Variants in CFAP54 observed in about 807,000 individuals in gnomAD.
CFAP54 encodes cilia and flagella associated protein 54.
A neutral mutation model predicts 370.4 loss-of-function variants in CFAP54; 290 were observed. The ratio of observed to expected loss-of-function variants is 0.78; its 90% CI spans 0.71 to 0.86. The LOEUF (loss-of-function observed/expected upper bound fraction) is 0.86. Ranked by LOEUF, CFAP54 falls within the 40% of genes least tolerant of loss-of-function variation. CFAP54 has a pLI of 0.00. For synonymous variants in CFAP54, 1,206 were observed against 1,236.5 expected (o/e 0.98, Z 0.52); for missense variants, 3,399 against 3,528.7 (o/e 0.96, Z 0.93).
chr12:96,626,789 A>G (rs1249159202), intron 29 of CFAP54, 24 bp from the exon 30 acceptor site: 7 of 1,273,158 alleles, frequency 5.5e-6, no homozygotes, highest in Non-Finnish European at 7.2e-6. Context: ...TGTTAACTAT[A>G]TATGAACTTC....
chr12:96,637,989 A>G (rs1340776930), intron 32 of CFAP54, among the ~76,000 whole-genome samples: 4 of 152,122 alleles, frequency 2.6e-5, no homozygotes, highest in Non-Finnish European at 5.9e-5. Flanking sequence ...GGTTTGTGTA[A>G]GAACACCCTA....
At chr12:96,771,579 G>C (rs1032599818) in intron 60 of CFAP54, among the ~76,000 whole-genome samples, 7 of 152,194 alleles carry the variant, frequency 4.6e-5, no homozygotes, top group African/African-American at 1.7e-4. Flanking sequence ...GTGAACCCGG[G>C]AGGCGGAGCT....
At position 96,541,674 on chromosome 12, in the gene CFAP54, A is replaced by G. The variant is rs548440625; in HGVS notation, c.2077+687A>G. 1.2e-4 allele frequency among the ~76,000 whole-genome samples: 19 copies of G among 152,218 alleles called. No homozygotes were observed. In the East Asian group the frequency reaches 2.7e-3, roughly 22 times the overall value. Reference sequence around the variant, plus strand: ...CTTGAAGGAAGACTATGTTTTGGACACTGACATATTCTTGGCACCCACCAA... The same window carrying G: ...CTTGAAGGAAGACTATGTTTTGGACGCTGACATATTCTTGGCACCCACCAA... On this transcript the variant is annotated intron_variant, in intron 14 of 67. Transcript: ENST00000524981.
chr12:96,630,762 C>A, intron 32 of CFAP54, 111 bp downstream of exon 32: 1 of 507,236 alleles, frequency 2.0e-6, no homozygotes, highest in South Asian at 5.7e-5. Flanking sequence ...GAAATCACTG[C>A]CTTCAAGGAA....
chr12:96,620,433 T>G (rs1036293443), intron 26 of CFAP54, among the ~76,000 whole-genome samples: 10 of 152,352 alleles, frequency 6.6e-5, no homozygotes, highest in African/African-American at 2.4e-4. Context: ...CCCTCTTGCT[T>G]GCCACCATGT....
chr12:96,497,747 C>T (rs532504759), intron 1 of CFAP54, among the ~76,000 whole-genome samples: 29 of 152,324 alleles, frequency 1.9e-4, no homozygotes, highest in African/African-American at 7.0e-4. Context: ...CACATGAAAA[C>T]GTTGAGGATA....
At chr12:96,691,504 A>G (rs547696199) in intron 44 of CFAP54, among the ~76,000 whole-genome samples, 194 bp downstream of exon 44, 1 of 152,264 alleles carries the variant, frequency 6.6e-6, no homozygotes, top group Admixed American at 6.5e-5. Context: ...TTTGGATACA[A>G]AAGCAGTCTA....
chr12:96,533,641 C>T (rs1955467114), intron 9 of CFAP54, 151 bp from the exon 10 acceptor site: 1 of 612,304 alleles, frequency 1.6e-6, no homozygotes, highest in African/African-American at 1.9e-5. Flanking sequence ...CCTGTATTTG[C>T]CCACTAAGAT....
chr12:96,628,749 G>A (rs1407256691), intron 30 of CFAP54, among the ~76,000 whole-genome samples: 1 of 152,094 alleles, frequency 6.6e-6, no homozygotes, highest in Admixed American at 6.5e-5. Context: ...CTGGAGCGAA[G>A]GGACCAAGAT....
intron 29 of CFAP54, among the ~76,000 whole-genome samples, chr12:96,626,290 G>A (rs1373527935): frequency 6.6e-6 from 1 of 151,818 alleles, no homozygotes; most frequent in Non-Finnish European, 1.5e-5. Flanking sequence ...GGAGGCTGAG[G>A]CAGGAGAATC....
At position 96,644,361 on chromosome 12, in the gene CFAP54, A is replaced by G. The variant is rs1467203085; in HGVS notation, c.4500A>G (p.Leu1500=). 1.3e-6 allele frequency: 2 copies of G among 1,535,964 alleles called. No homozygotes were observed. The highest frequency in any genetic ancestry group is 2.0e-5 in the Admixed American group (1 of 50,992). The part of the protein sequence containing the change: ...GAHFNLVLQK[L]WECTKMKFGT... ...ACTTTAACCTGGTTTTACAAAAGCT[A>G]TGGGAGTGTACGAAGATGAAATTTG... Residue 1500 remains leucine, a synonymous_variant, in exon 33 of 68, where the codon CTA becomes CTG. Transcript: ENST00000524981.
intron 17 of CFAP54, among the ~76,000 whole-genome samples, chr12:96,563,691 A>C (rs992559683): frequency 6.6e-6 from 1 of 152,180 alleles, no homozygotes; most frequent in Non-Finnish European, 1.5e-5. Flanking sequence ...ATGGTGGCTC[A>C]TGTGCATTAG....
chr12:96,712,605 A>G (rs997328593), intron 48 of CFAP54, among the ~76,000 whole-genome samples: 22 of 152,116 alleles, frequency 1.4e-4, no homozygotes, highest in African/African-American at 5.3e-4. Flanking sequence ...TGTGCTATCA[A>G]ACACCAGAAT....
intron 9 of CFAP54, among the ~76,000 whole-genome samples, chr12:96,533,582 T>A (rs1592836273): frequency 6.6e-6 from 1 of 152,080 alleles, no homozygotes. Context: ...CTGCCCTCCT[T>A]CCCCACATCT....
At chr12:96,501,793 G>A (rs1955030417) in intron 2 of CFAP54, among the ~76,000 whole-genome samples, 1 of 152,158 alleles carries the variant, frequency 6.6e-6, no homozygotes. Context: ...TATGAGTGGT[G>A]GAACTTCATA....
chr12:96,623,817 G>A lies in CFAP54; in HGVS notation c.3822G>A (p.Leu1274=), dbSNP rs754841596. 4.6e-6 allele frequency: 7 copies of A among 1,535,732 alleles called. No homozygotes were observed. In the African/African-American group the frequency reaches 6.8e-5, roughly 15 times the overall value. Residue 1274 remains leucine (L), a synonymous_variant, in exon 28 of 68, where the codon CTG becomes CTA. Transcript: ENST00000524981. ...CTAAGAAGCCACAGCAGATACTACT[G>A]CCTGAAAAGATAAATGAACAGCTGG... ...LKTKKPQQIL[L]PEKINEQLAL... is the part of the protein sequence containing the mutation.
At chr12:96,818,008 T>C in intron 65 of CFAP54, 95 bp downstream of exon 65, 1 of 913,720 alleles carries the variant, frequency 1.1e-6, no homozygotes, top group Non-Finnish European at 1.5e-6. Flanking sequence ...TCTGTAATTC[T>C]TCTGCCTCTA....
intron 66 of CFAP54, among the ~76,000 whole-genome samples, chr12:96,844,543 G>T (rs897171562): frequency 2.6e-5 from 4 of 152,158 alleles, no homozygotes; most frequent in Non-Finnish European, 2.9e-5. Context: ...AATTCATGTT[G>T]TAAGCCACTA....
chr12:96,753,252 G>A (rs746955605), intron 55 of CFAP54, among the ~76,000 whole-genome samples: 1 of 152,104 alleles, frequency 6.6e-6, no homozygotes, highest in African/African-American at 2.4e-5. Context: ...TGTAGTCCTT[G>A]TCCATCATGG....
Sources: gnomAD v4.1 joint callset for allele counts (sites outside exome capture counted in the v4.1 genomes callset) on GRCh38, gnomAD v4.1.1 for gene constraint, MANE v1.5 for transcripts, NCBI Gene and HGNC (gene_info 2026-07-23, HGNC 2026-07-21) for gene names.